TMCC1: variants seen among roughly 807,000 people sequenced by gnomAD.
TMCC1 encodes transmembrane and coiled-coil domains protein 1.
Under a neutral mutation model 52.4 loss-of-function variants are expected in TMCC1, and 15 were observed. The ratio of observed to expected loss-of-function variants is 0.29; its 90% CI spans 0.19 to 0.44. The LOEUF is 0.44. Ranked by LOEUF, TMCC1 falls within the 20% of genes least tolerant of loss-of-function variation. TMCC1 has a pLI of 1.00. For synonymous variants in TMCC1, 279 were observed against 301.9 expected (o/e 0.92, Z 0.79); for missense variants, 503 against 806.0 (o/e 0.62, Z 4.55).
chr3:129,669,295 A>C (rs2087721945), intron 5 of TMCC1, among the ~76,000 whole-genome samples: 1 of 152,216 alleles, frequency 6.6e-6, no homozygotes, highest in South Asian at 2.1e-4. Flanking sequence ...GATTTTCTCT[A>C]GTTAATAATC....
intron 4 of TMCC1, among the ~76,000 whole-genome samples, chr3:129,691,561 A>T (rs1311383651): frequency 2.6e-5 from 4 of 152,156 alleles, no homozygotes; most frequent in African/African-American, 7.2e-5. Flanking sequence ...TGGGAGGATC[A>T]CTTAAGGCCA....
intron 2 of TMCC1, among the ~76,000 whole-genome samples, chr3:129,845,187 C>A (rs1284009557): frequency 5.5e-5 from 1 of 18,234 alleles, no homozygotes; most frequent in Non-Finnish European, 1.5e-4. Flanking sequence ...GTCCCTGTCA[C>A]ACTCACACAC....
intron 4 of TMCC1, among the ~76,000 whole-genome samples, chr3:129,749,492 C>G (rs2052304543): frequency 1.3e-5 from 2 of 151,820 alleles, no homozygotes; most frequent in Non-Finnish European, 2.9e-5. Context: ...TTGCTTTGAT[C>G]TCTTAAAAGA....
chr3:129,825,874 C>T (rs1197749629), intron 4 of TMCC1, among the ~76,000 whole-genome samples: 1 of 152,118 alleles, frequency 6.6e-6, no homozygotes, highest in African/African-American at 2.4e-5. Flanking sequence ...TATAAAACTA[C>T]ACATTTTTCA....
chr3:129,760,011 G>A (rs1433609755), intron 4 of TMCC1, among the ~76,000 whole-genome samples: 6 of 151,238 alleles, frequency 4.0e-5, no homozygotes, highest in East Asian at 1.9e-4. Flanking sequence ...GTGAGCCACC[G>A]CACCCGGCCC....
At chr3:129,652,573 C>T (rs1465299115) in intron 6 of TMCC1, among the ~76,000 whole-genome samples, 1 of 152,156 alleles carries the variant, frequency 6.6e-6, no homozygotes, top group East Asian at 1.9e-4. Flanking sequence ...AAGGTTAAAT[C>T]TCACCCTATA....
At chr3:129,741,216 TTCA>T (rs1490418318) in intron 4 of TMCC1, among the ~76,000 whole-genome samples, 4 of 152,188 alleles carry the variant, frequency 2.6e-5, no homozygotes, top group Admixed American at 1.3e-4. Context: ...AACTGGTTTC[TTCA>T]TCATCAAAAG....
intron 4 of TMCC1, among the ~76,000 whole-genome samples, chr3:129,695,536 T>C (rs1054022677): frequency 6.6e-5 from 10 of 152,036 alleles, no homozygotes; most frequent in Admixed American, 5.9e-4. Flanking sequence ...ATTTCTCACA[T>C]GGTGGCAACA....
At chr3:129,872,351 A>ACAGCAT (rs1435323224) in intron 2 of TMCC1, among the ~76,000 whole-genome samples, 5 of 152,200 alleles carry the variant, frequency 3.3e-5, no homozygotes, top group Non-Finnish European at 5.9e-5. Context: ...TGCTGACCCC[A>ACAGCAT]CAGCATCAGC....
At chr3:129,757,703 C>G (rs1329788583) in intron 4 of TMCC1, among the ~76,000 whole-genome samples, 1 of 152,048 alleles carries the variant, frequency 6.6e-6, no homozygotes, top group African/African-American at 2.4e-5. Context: ...GTGGTGCACC[C>G]CTGTAGTCCC....
intron 1 of TMCC1, among the ~76,000 whole-genome samples, chr3:129,883,901 A>T (rs933226858): frequency 2.0e-5 from 3 of 151,850 alleles, no homozygotes; most frequent in Non-Finnish European, 2.9e-5. Flanking sequence ...ATATTTTTGA[A>T]AGAAAAATAA....
Position 129,760,442 on chromosome 3 carries a change from G to C in TMCC1, c.576+67361C>G, listed in dbSNP as rs558574511. ...TGTGTGTGTGTGTGTGTGTTTTTGAGACAGTCTCGCTCTGTGTGTGTGTGT... is the reference window on the plus strand; with the variant it reads ...TGTGTGTGTGTGTGTGTGTTTTTGACACAGTCTCGCTCTGTGTGTGTGTGT... On this transcript the variant is annotated intron_variant, in intron 4 of 6. Transcript: ENST00000393238. Among the ~76,000 whole-genome samples the C allele has an allele frequency of 3.6e-5, 5 of 138,642 alleles. No homozygotes were observed. In the East Asian group the frequency reaches 1.1e-3, roughly 31 times the overall value. The allele number at this position is 138,642 out of a possible 152,430, so 91.0% of individuals were successfully genotyped here.
At chr3:129,840,026 G>GAA (rs34763615) in intron 2 of TMCC1, among the ~76,000 whole-genome samples, 2,348 of 147,324 alleles carry the variant, frequency 0.016, 44 homozygotes, top group African/African-American at 0.055. Context: ...GACTGGGGGA[G>GAA]AAAAAAAAAA....
At chr3:129,888,449 C>T (rs2061822474) in intron 1 of TMCC1, among the ~76,000 whole-genome samples, 1 of 152,136 alleles carries the variant, frequency 6.6e-6, no homozygotes, top group African/African-American at 2.4e-5. Context: ...GTTTGTAACA[C>T]CATTCTTCAA....
intron 4 of TMCC1, among the ~76,000 whole-genome samples, chr3:129,723,367 T>C (rs866397545): frequency 0.034 from 5,056 of 148,044 alleles, 255 homozygotes; most frequent in African/African-American, 0.12. Context: ...TTTCTTTTTT[T>C]TTTTTTTTTT....
At chr3:129,748,263 A>G (rs1045822558) in intron 4 of TMCC1, among the ~76,000 whole-genome samples, 2 of 152,272 alleles carry the variant, frequency 1.3e-5, no homozygotes, top group African/African-American at 4.8e-5. Flanking sequence ...TGCCTGCTAC[A>G]TATGGGTAAA....
chr3:129,781,176 C>A (rs1161254267), intron 4 of TMCC1, among the ~76,000 whole-genome samples: 1 of 152,156 alleles, frequency 6.6e-6, no homozygotes, highest in Non-Finnish European at 1.5e-5. Context: ...AATCTTTCTC[C>A]TGGCATCCAA....
intron 2 of TMCC1, among the ~76,000 whole-genome samples, chr3:129,858,513 G>A (rs2060244754): frequency 6.6e-6 from 1 of 152,052 alleles, no homozygotes; most frequent in African/African-American, 2.4e-5. Context: ...TAGAACCACA[G>A]GTGCATGCCA....
At chr3:129,877,655 G>A (rs1413116823) in intron 2 of TMCC1, among the ~76,000 whole-genome samples, 6 of 136,196 alleles carry the variant, frequency 4.4e-5, no homozygotes, top group African/African-American at 1.4e-4. Flanking sequence ...GAGACAGAGA[G>A]TCTCACTCTA....
Sources: allele counts gnomAD v4.1 joint callset (sites outside exome capture counted in the v4.1 genomes callset), GRCh38; gene constraint gnomAD v4.1.1; transcripts MANE v1.5; gene names NCBI Gene and HGNC (gene_info 2026-07-23, HGNC 2026-07-21).